Variants in GALK2 observed in about 807,000 individuals in gnomAD.
GALK2 encodes N-acetylgalactosamine kinase.
A neutral mutation model predicts 52.4 loss-of-function variants in GALK2; 36 were observed. The ratio of observed to expected loss-of-function variants is 0.69; its 90% confidence interval spans 0.53 to 0.91. The LOEUF (loss-of-function observed/expected upper bound fraction) is 0.91. Among genes scored for constraint, GALK2 ranks in the 40% least tolerant of loss-of-function variants. The pLI is 0.00. For missense variants in GALK2, 579 were observed against 559.1 expected (o/e 1.04, Z -0.36); for synonymous variants, 176 against 199.1 (o/e 0.88, Z 0.98).
At chr15:49,367,656 T>TA (rs747728689) in exon 4 of GALK2, 2 of 1,485,464 alleles carry the variant, frequency 1.3e-6, no homozygotes, top group South Asian at 1.3e-5. Context: ...TTTGTGTTTC[T>TA]AAAAAACTGT....
intron 2 of GALK2, among the ~76,000 whole-genome samples, chr15:49,203,081 C>G (rs535277335): frequency 2.0e-5 from 3 of 152,096 alleles, no homozygotes; most frequent in Admixed American, 6.5e-5. Flanking sequence ...GACAGAGTCT[C>G]TCTCTGTTGC....
Position 49,282,051 on chromosome 15 carries a change from A to G in GALK2, c.569A>G (p.Asp190Gly), listed in dbSNP as rs1373214096. 1 of 1,613,792 alleles carries G rather than the reference A, an allele frequency of 6.2e-7. No homozygotes were observed. Among genetic ancestry groups the G allele is most frequent in the South Asian group, 1.1e-5 (1 of 91,056 alleles). The change falls in exon 6 of 10, where the codon GAC (aspartate) becomes GGC (glycine). Residue 190 changes from aspartate (D) to glycine (G), a missense_variant. Asp to Gly is a moderately conservative substitution (Grantham distance 94, BLOSUM62 -1). Transcript: ENST00000560031. The stretch of plus-strand genomic sequence containing the variant: ...ATTGGCACTGAAGGAGGAGGCATGG[A>G]CCAGTCTATATCATTTCTTGCAGAA... ...RYIGTEGGGMDQSISFLAEEG... is the reference protein window; with the variant it reads ...RYIGTEGGGMGQSISFLAEEG...
intron 5 of GALK2, among the ~76,000 whole-genome samples, chr15:49,281,078 G>A (rs929224793): frequency 3.3e-5 from 5 of 152,108 alleles, no homozygotes; most frequent in East Asian, 1.9e-4. Flanking sequence ...CTCGTGATCC[G>A]CCCACCTCGG....
chr15:49,286,733 C>G (rs1308189172), intron 7 of GALK2, among the ~76,000 whole-genome samples: 1 of 152,082 alleles, frequency 6.6e-6, no homozygotes, highest in Non-Finnish European at 1.5e-5. Flanking sequence ...GTTCAATGAA[C>G]TTTTTTTCTT....
chr15:49,192,174 A>G (rs184283089), intron 1 of GALK2, among the ~76,000 whole-genome samples: 2 of 151,966 alleles, frequency 1.3e-5, no homozygotes, highest in African/African-American at 4.8e-5. Context: ...GGAATCAGCC[A>G]TTTCTTTAAG....
rs3075099 is a variant in GALK2 at position 49,210,973 on chromosome 15, T to TCACACACACACACACACA, written c.143-6201_143-6184dup. On this transcript the variant is annotated intron_variant, in intron 2 of 9. Coordinates refer to ENST00000560031, the MANE Select transcript of GALK2 (RefSeq NM_002044.4). ...TGTTGGCTGTCACACACACACACAC[T>TCACACACACACACACACA]CACACACACACACACACACACACAC... 3.4e-3 allele frequency among the ~76,000 whole-genome samples: 502 copies of TCACACACACACACACACA among 146,644 alleles called. 6 individuals carry two copies. The highest frequency in any genetic ancestry group is 0.012 in the African/African-American group (476 of 39,564).
chr15:49,223,094 C>G (rs2089918870), intron 3 of GALK2: 1 of 151,988 alleles, frequency 6.6e-6, no homozygotes, highest in Non-Finnish European at 1.5e-5. Context: ...TTTTTTGTTT[C>G]TTCCTGATTT....
chr15:49,365,126 T>C lies in GALK2; in HGVS notation c.427-2365T>C, dbSNP rs187556068. 1.3e-3 allele frequency: 899 copies of C among 717,688 alleles called. 2 individuals are homozygous for C. The highest frequency in any genetic ancestry group is 2.0e-3 in the Non-Finnish European group (778 of 393,988). The allele number at this position is 717,688 out of a possible 1,614,324, so 44.5% of individuals were successfully genotyped here. ...TTATAGCAGTTCCACATAATATTAT[T>C]GCTGGACAATCTGTTCACCAGACAT... On this transcript the variant is annotated intron_variant, in intron 3 of 3. Transcript: ENST00000558399.
intron 3 of GALK2, among the ~76,000 whole-genome samples, chr15:49,359,195 A>G (rs1466775969): frequency 6.8e-6 from 1 of 147,952 alleles, no homozygotes; most frequent in Admixed American, 6.7e-5. Flanking sequence ...CTTCATGTCT[A>G]AAACACCAAA....
At chr15:49,270,919 A>T (rs1567003399) in intron 5 of GALK2, among the ~76,000 whole-genome samples, 1 of 152,140 alleles carries the variant, frequency 6.6e-6, no homozygotes, top group South Asian at 2.1e-4. Flanking sequence ...GTTTACCACT[A>T]GAAATCCTGC....
chr15:49,363,472 T>G lies in GALK2; in HGVS notation c.427-4019T>G, dbSNP rs1348652412. On this transcript the variant is annotated intron_variant, in intron 3 of 3. Transcript: ENST00000558399. The stretch of plus-strand genomic sequence containing the variant: ...TGCTATTGATTTTTGTACATTGATT[T>G]TGTATCCTGAAACTTTGCTGAAGTT... 2.0e-5 allele frequency among the ~76,000 whole-genome samples: 3 copies of G among 152,352 alleles called. No homozygotes were observed. In the East Asian group the frequency reaches 5.8e-4, roughly 29 times the overall value.
intron 1 of GALK2, among the ~76,000 whole-genome samples, chr15:49,174,966 A>G (rs561553194): frequency 3.9e-5 from 6 of 152,306 alleles, no homozygotes; most frequent in South Asian, 2.1e-4. Context: ...AAGGTGTTCT[A>G]ACTTCGAGTA....
At chr15:49,345,952 C>T (rs564737467) in intron 3 of GALK2, among the ~76,000 whole-genome samples, 4 of 152,044 alleles carry the variant, frequency 2.6e-5, no homozygotes, top group Non-Finnish European at 5.9e-5. Flanking sequence ...GGGCAAATTT[C>T]GTACTTATCT....
At chr15:49,342,204 G>A (rs182522872) in intron 3 of GALK2, among the ~76,000 whole-genome samples, 2 of 152,196 alleles carry the variant, frequency 1.3e-5, no homozygotes, top group Admixed American at 1.3e-4. Context: ...TATGAATCTG[G>A]GTGATCCAAT....
At chr15:49,231,984 TG>T (rs2090527711) in intron 3 of GALK2, among the ~76,000 whole-genome samples, 2 of 152,312 alleles carry the variant, frequency 1.3e-5, no homozygotes, top group East Asian at 1.9e-4. Flanking sequence ...TCGAAGACAA[TG>T]GCCCTCTTCT....
At chr15:49,357,818 C>T (rs1008311291) in intron 3 of GALK2, among the ~76,000 whole-genome samples, 76 of 152,066 alleles carry the variant, frequency 5.0e-4, no homozygotes, top group Non-Finnish European at 1.0e-3. Context: ...CCTTGATGAA[C>T]ATTGATGCAA....
chr15:49,355,057 CAGAA>C (rs1182093035), intron 3 of GALK2, among the ~76,000 whole-genome samples: 1 of 150,872 alleles, frequency 6.6e-6, no homozygotes, highest in African/African-American at 2.5e-5. Flanking sequence ...AACTAACAAA[CAGAA>C]AGGACATCCA....
At chr15:49,167,985 A>C (rs1033885339), upstream of GALK2, among the ~76,000 whole-genome samples, 1 of 152,164 alleles carries the variant, frequency 6.6e-6, no homozygotes, top group Non-Finnish European at 1.5e-5. Flanking sequence ...TTTATTTTTA[A>C]GCACAGTTTA....
At chr15:49,294,140 CAAATAAAT>C (rs10677248) in intron 8 of GALK2, among the ~76,000 whole-genome samples, 2,742 of 139,850 alleles carry the variant, frequency 0.02, 76 homozygotes, top group South Asian at 0.078. Context: ...GACCCTGTCT[CAAATAAAT>C]AAATAAATAA....
Sources: gnomAD v4.1 joint callset for allele counts (sites outside exome capture counted in the v4.1 genomes callset) on GRCh38, gnomAD v4.1.1 for gene constraint, MANE v1.5 for transcripts, NCBI Gene and HGNC (gene_info 2026-07-23, HGNC 2026-07-21) for gene names.